SUPT7L: variants seen among roughly 807,000 people sequenced by gnomAD.
The protein encoded by SUPT7L is STAGA complex 65 subunit gamma.
In SUPT7L, 15 loss-of-function variants were observed where a neutral mutation model predicts 35.7. The observed-to-expected ratio is 0.42, with a 90% CI of 0.28 to 0.65. SUPT7L has a LOEUF of 0.65. Among genes scored for constraint, SUPT7L ranks in the 30% least tolerant of loss-of-function variants. The pLI, the probability that SUPT7L is intolerant of heterozygous loss-of-function variation, is 0.23. For missense variants in SUPT7L, 434 were observed against 522.2 expected, an observed-to-expected ratio of 0.83 and a Z score of 1.65; for synonymous variants, 168 against 186.2, an observed-to-expected ratio of 0.90 and a Z score of 0.79.
rs1325949175 is a variant in SUPT7L at position 27,653,722 on chromosome 2, A to G, written c.1008T>C (p.Leu336=). 6.2e-7 allele frequency: 1 copy of G among 1,614,064 alleles called. No homozygotes were observed. The highest frequency in any genetic ancestry group is 1.3e-5 in the African/African-American group (1 of 74,906). ...ASSAEVNASP[L]WNLAHVKMEP... ...CCATTTTCACATGGGCCAGATTCCAAAGAGGAGAAGCATTTACCTCTGCAC... is the reference window on the plus strand; with the variant it reads ...CCATTTTCACATGGGCCAGATTCCAGAGAGGAGAAGCATTTACCTCTGCAC... The change falls in exon 6 of 6, where the codon CTT becomes CTC. Residue 336 remains leucine, a synonymous_variant. Transcript: ENST00000337768.
At position 27,653,353 on chromosome 2, in the gene SUPT7L, C is replaced by G; in HGVS notation, c.*132G>C. 1 of 1,328,596 alleles carries G rather than the reference C, an allele frequency of 7.5e-7. No individual in the cohort carries two copies. Among genetic ancestry groups the G allele is most frequent in the Non-Finnish European group, 1.0e-6 (1 of 982,748 alleles). The allele number at this position is 1,328,596 out of a possible 1,614,324, so 82.3% of individuals were successfully genotyped here. ...AACCTTGTTTGGTGACGTCCAGTTC[C>G]TCTGGAATTAGGAAAAACCACTTGT... On this transcript the variant is annotated 3_prime_UTR_variant, in exon 6 of 6. Coordinates refer to ENST00000337768, the MANE Select transcript of SUPT7L (RefSeq NM_014860.3).
In SUPT7L at chr2:27,657,489, A is replaced by C. The variant is rs1305508250; in HGVS notation, c.600T>G (p.Ala200=). 1 of 1,614,268 alleles carries C rather than the reference A, an allele frequency of 6.2e-7. No homozygotes were observed. The highest frequency in any genetic ancestry group is 1.1e-5 in the South Asian group (1 of 91,090). ...CLKFTKLLRF[A]VDREARLGQT... The stretch of plus-strand genomic sequence containing the variant: ...GTCCCAGCCGGGCCTCCCGGTCCAC[A>C]GCAAAACGCAGCAACTTGGTAAACT... The change falls in exon 4 of 6, where the codon GCT becomes GCG. Residue 200 remains alanine (A), a synonymous_variant. Transcript: ENST00000337768. This position sits in a 1 kb window ranked among gnomAD's most constrained non-coding sequence, Gnocchi z 5.2.
chr2:27,655,449 G>A lies in SUPT7L; in HGVS notation c.898C>T (p.Gln300Ter). ...CCAAGCACTCCCATAGGCAGTGACTGGTCTCCAGAAGCAAGGTCAGCCTCC... is the reference window on the plus strand; with the variant it reads ...CCAAGCACTCCCATAGGCAGTGACTAGTCTCCAGAAGCAAGGTCAGCCTCC... ...ELEADLASGD[Q>*]SLPMGVLGAQ... The change falls in exon 5 of 6, where the codon CAG (glutamine) becomes TAG (stop). Residue 300 changes from glutamine (Q) to a stop codon, truncating the protein, a stop_gained. Transcript: ENST00000337768. LOFTEE classifies it high-confidence loss of function. 6.2e-7 allele frequency: 1 copy of A among 1,614,104 alleles called. No individual in the cohort carries two copies. Among genetic ancestry groups the A allele is most frequent in the Admixed American group, 1.7e-5 (1 of 60,004 alleles).
At position 27,651,489 on chromosome 2, in the gene SUPT7L, TAA is replaced by T. The variant is rs1209482045; in HGVS notation, c.*1994_*1995del. On this transcript the variant is annotated 3_prime_UTR_variant, in exon 6 of 6. Transcript: ENST00000337768. ...TATGCAGTTTAACATTCTGCAGCAA[TAA>T]AAGTGTTTTATTATAAAGTATTAAT... 6 of 152,378 alleles carry T rather than the reference TAA, an allele frequency of 3.9e-5. No individual in the cohort carries two copies. Among genetic ancestry groups the T allele is most frequent in the Admixed American group, 2.0e-4 (3 of 15,288 alleles). The allele number at this position is 152,378 out of a possible 1,614,324, so 9.4% of individuals were successfully genotyped here.
downstream of SUPT7L, chr2:27,647,793 C>A: frequency 8.7e-7 from 1 of 1,144,044 alleles, no homozygotes; most frequent in Admixed American, 1.7e-5. Flanking sequence ...TTCAAGATCA[C>A]CTTTTTGAGG....
At chr2:27,644,731 T>TG in the SUPT7L span, among the ~76,000 whole-genome samples, 4 of 148,366 alleles carry the variant, frequency 2.7e-5, no homozygotes, top group Non-Finnish European at 3.0e-5. Flanking sequence ...GTGTTTTTTT[T>TG]TTTTTTTTTT....
intron 3 of SUPT7L, among the ~76,000 whole-genome samples, chr2:27,660,500 A>G (rs1179125871): frequency 6.6e-6 from 1 of 152,224 alleles, no homozygotes; most frequent in Non-Finnish European, 1.5e-5. Context: ...TTGGGGTTAC[A>G]GGCATGAACC....
Position 27,661,230 on chromosome 2 carries a change from T to A in SUPT7L, c.173A>T (p.Glu58Val), listed in dbSNP as rs1675089624. 6.2e-7 allele frequency: 1 copy of A among 1,613,682 alleles called. No homozygotes were observed. Among genetic ancestry groups the A allele is most frequent in the African/African-American group, 1.3e-5 (1 of 74,874 alleles). ...CGTATGGATGGTGAGACTACATGGC[T>A]CTGAGGGGATGTCCAGCATAGTGGG... The part of the protein sequence containing the change: ...KPPTMLDIPS[E>V]PCSLTIHTIQ... The change falls in exon 3 of 6, where the codon GAG (glutamate) becomes GTG (valine). Residue 58 changes from glutamate (E) to valine (V), a missense_variant. Glu to Val is a moderately radical substitution (Grantham distance 121, BLOSUM62 -2). Transcript: ENST00000337768.
In SUPT7L at chr2:27,655,471, C is replaced by T; in HGVS notation, c.876G>A (p.Glu292=). ...ACTGGTCTCCAGAAGCAAGGTCAGC[C>T]TCCAGCTCCTCACTGACAGGAAAAG... ...DITFPVSEEL[E]ADLASGDQSL... The change falls in exon 5 of 6, where the codon GAG becomes GAA. Residue 292 remains glutamate, a synonymous_variant. Transcript: ENST00000337768. 6.2e-7 allele frequency: 1 copy of T among 1,614,158 alleles called. No individual in the cohort carries two copies. Among genetic ancestry groups the T allele is most frequent in the Non-Finnish European group, 8.5e-7 (1 of 1,180,004 alleles).
At chr2:27,642,677 C>T in the SUPT7L span, among the ~76,000 whole-genome samples, 8 of 152,124 alleles carry the variant, frequency 5.3e-5, no homozygotes, top group Non-Finnish European at 8.8e-5. Flanking sequence ...AGTTCTCCTG[C>T]CTCAGCCTTC....
At chr2:27,658,882 G>A (rs141314897) in intron 3 of SUPT7L, among the ~76,000 whole-genome samples, 1,655 of 152,212 alleles carry the variant, frequency 0.011, 27 homozygotes, top group African/African-American at 0.038. Context: ...CTCTTTCAAA[G>A]GAAAGTAATT....
downstream of SUPT7L, among the ~76,000 whole-genome samples, chr2:27,647,279 T>G (rs1319493334): frequency 1.3e-5 from 2 of 152,250 alleles, no homozygotes; most frequent in Non-Finnish European, 2.9e-5. Context: ...TTACTGGAGC[T>G]CAGCCCTCAC....
rs1401346891 is a variant in SUPT7L, at chr2:27,652,283, T to C, written c.*1202A>G. ...TAACCTCATTTGTATCATATTCATT[T>C]ATTCTCAATACCTGGGACATTTAAG... On this transcript the variant is annotated 3_prime_UTR_variant, in exon 6 of 6. Transcript: ENST00000337768. 6.6e-6 allele frequency: 1 copy of C among 152,402 alleles called. No individual in the cohort carries two copies. Among genetic ancestry groups the C allele is most frequent in the Non-Finnish European group, 1.5e-5 (1 of 68,052 alleles). 9.4% of individuals were successfully genotyped at this position (152,402 alleles called of 1,614,324 possible).
rs1317557898 is a variant in SUPT7L at position 27,653,548 on chromosome 2, G to C, written c.1182C>G (p.Asp394Glu). The stretch of plus-strand genomic sequence containing the variant: ...AAACAGGGGAGGACCCCATGAGGCT[G>C]TCAGTGGAGTGGGAACCATAGCTGC... ...SDSSYGSHST[D>E]SLMGSSPVFN... Residue 394 changes from aspartate to glutamate, a missense_variant, in exon 6 of 6, where the codon GAC (aspartate) becomes GAG (glutamate). By Grantham distance (45) the Asp-to-Glu change is conservative. This residue lies in a region of SUPT7L where 159 missense variants were observed against 217.1 expected (regional missense o/e 0.73). Coordinates refer to ENST00000337768, the MANE Select transcript of SUPT7L (RefSeq NM_014860.3). 2 of 1,614,216 alleles carry C rather than the reference G, an allele frequency of 1.2e-6. No individual in the cohort carries two copies. The highest frequency in any genetic ancestry group is 2.2e-5 in the South Asian group (2 of 91,092).
At chr2:27,656,824 A>C (rs1005261979) in intron 4 of SUPT7L, among the ~76,000 whole-genome samples, 1 of 151,834 alleles carries the variant, frequency 6.6e-6, no homozygotes, top group Admixed American at 6.6e-5. Flanking sequence ...TTTTCTGTAG[A>C]GATGGGGTCT....
the SUPT7L span, among the ~76,000 whole-genome samples, chr2:27,644,144 C>T: frequency 6.6e-6 from 1 of 152,182 alleles, no homozygotes; most frequent in Non-Finnish European, 1.5e-5. Flanking sequence ...CACTGCACTC[C>T]AGCCTGGGTG....
chr2:27,654,857 C>T (rs1194216183), intron 5 of SUPT7L, among the ~76,000 whole-genome samples: 3 of 152,176 alleles, frequency 2.0e-5, no homozygotes, highest in Non-Finnish European at 2.9e-5. Flanking sequence ...TGAGCCACTG[C>T]GCCCAGCCGG....
chr2:27,661,874 A>T (rs1675127906), intron 2 of SUPT7L: 2 of 453,014 alleles, frequency 4.4e-6, no homozygotes, highest in African/African-American at 2.0e-5. Context: ...GTAGGGTTAA[A>T]GATAATAAGA....
intron 2 of SUPT7L, chr2:27,661,645 G>A (rs1572982624): frequency 7.5e-7 from 1 of 1,336,396 alleles, no homozygotes; most frequent in South Asian, 1.6e-5. Context: ...GCTGGTTATT[G>A]TCATACTATG....
Sources: gnomAD v4.1 joint callset for allele counts (sites outside exome capture counted in the v4.1 genomes callset) on GRCh38, gnomAD v4.1.1 for gene constraint, gnomAD v4.1.1 regional missense constraint, Gnocchi (gnomAD v3.1) non-coding constraint, MANE v1.5 for transcripts, NCBI Gene and HGNC (gene_info 2026-07-23, HGNC 2026-07-21) for gene names.